Variants in LMBR1 observed in about 807,000 individuals in gnomAD.
The protein encoded by LMBR1 is limb region 1 protein homolog.
Under a neutral mutation model 73.9 loss-of-function variants are expected in LMBR1, and 52 were observed. The ratio of observed to expected loss-of-function variants is 0.70; its 90% CI spans 0.56 to 0.89. The LOEUF is 0.89. Ranked by LOEUF, LMBR1 falls within the 40% of genes least tolerant of loss-of-function variation. The probability of loss-of-function intolerance (pLI) is 0.00; values close to 1 mark genes in which losing one functional copy is unlikely to be tolerated. For missense variants in LMBR1, 539 were observed against 579.8 expected (o/e 0.93, Z 0.72); for synonymous variants, 215 against 209.4 (o/e 1.03, Z -0.23).
chr7:156,773,523 T>C (rs1356069806), intron 5 of LMBR1, among the ~76,000 whole-genome samples: 30 of 151,838 alleles, frequency 2.0e-4, no homozygotes, highest in Admixed American at 2.0e-3. Flanking sequence ...CATAGATCAA[T>C]AGAGGGCCCA....
At chr7:156,761,428 G>A (rs1052581643) in intron 8 of LMBR1, among the ~76,000 whole-genome samples, 4 of 152,014 alleles carry the variant, frequency 2.6e-5, no homozygotes, top group African/African-American at 7.3e-5. Context: ...TCAATTAATC[G>A]AGACACAATA....
chr7:156,794,744 G>A (rs1188042443), intron 5 of LMBR1, among the ~76,000 whole-genome samples: 1 of 152,088 alleles, frequency 6.6e-6, no homozygotes, highest in East Asian at 1.9e-4. Context: ...TCAGGAAGAG[G>A]GAAGAACTTT....
rs772687892 is a variant in LMBR1, at chr7:156,678,612, G to C, written c.*5466C>G. The C allele has an allele frequency of 6.6e-6, 1 of 152,222 alleles. No homozygotes were observed. The highest frequency in any genetic ancestry group is 6.5e-5 in the Admixed American group (1 of 15,284). 9.4% of individuals were successfully genotyped at this position (152,222 alleles called of 1,614,324 possible). A position where few individuals can be genotyped will look rare whatever the true frequency, so the allele number is the denominator to read the frequency against. ...AAACTGGGACACTGACCAAGAAAGA[G>C]TGGGGCCTTTGGAAACATGAGTTCA... On this transcript the variant is annotated 3_prime_UTR_variant, in exon 17 of 17. Coordinates refer to ENST00000353442, the MANE Select transcript of LMBR1 (RefSeq NM_022458.4).
At chr7:156,841,070 T>G (rs1012377955) in intron 1 of LMBR1, among the ~76,000 whole-genome samples, 1 of 150,954 alleles carries the variant, frequency 6.6e-6, no homozygotes, top group Non-Finnish European at 1.5e-5. Context: ...GAGCAGCCAC[T>G]CGGACCTGTG....
chr7:156,734,307 T>C (rs750922383), intron 9 of LMBR1, 50 bp from the exon 10 acceptor site: 21 of 1,128,206 alleles, frequency 1.9e-5, no homozygotes, highest in Admixed American at 1.4e-4. Context: ...CCTAACACTA[T>C]AGAACAGGTA....
chr7:156,700,407 G>A lies in LMBR1; in HGVS notation c.1226-12216C>T, dbSNP rs36147797. Among the ~76,000 whole-genome samples the A allele has an allele frequency of 1.5e-4, 23 of 152,074 alleles. No homozygotes were observed. The South Asian group carries it at 4.2e-3, about 28-fold the overall frequency. On this transcript the variant is annotated intron_variant, in intron 15 of 16. Transcript: ENST00000353442. ...CGGACTGTTGTGGGGTGGGAGGAGG[G>A]GGGGAGGGATAGCATTAGGAGATAT... is the stretch of plus-strand genomic sequence containing the variant.
chr7:156,722,014 A>ACCAAG (rs35330346), intron 15 of LMBR1, among the ~76,000 whole-genome samples: 1 of 14,472 alleles, frequency 6.9e-5, no homozygotes, highest in East Asian at 0.013. Flanking sequence ...CAAAAACATC[A>ACCAAG]TCATTTCTTT....
chr7:156,866,588 A>G (rs1317619938), intron 1 of LMBR1, among the ~76,000 whole-genome samples: 1 of 150,342 alleles, frequency 6.7e-6, no homozygotes, highest in East Asian at 1.9e-4. Flanking sequence ...GGAATTTCTT[A>G]TGAGTTTTTT....
At chr7:156,838,330 C>T (rs986971584) in intron 1 of LMBR1, among the ~76,000 whole-genome samples, 2 of 152,084 alleles carry the variant, frequency 1.3e-5, no homozygotes, top group Non-Finnish European at 2.9e-5. Context: ...ATTCCTCCTA[C>T]CTAACTGAAA....
At chr7:156,891,212 AT>A (rs398048235) in intron 1 of LMBR1, among the ~76,000 whole-genome samples, 10,837 of 43,600 alleles carry the variant, frequency 0.25, 1,519 homozygotes, top group Non-Finnish European at 0.28. Flanking sequence ...AAAAAAAAAA[AT>A]ATATATATAT....
Position 156,736,123 on chromosome 7 carries a change from C to T in LMBR1, c.758-1866G>A, listed in dbSNP as rs538286529. On this transcript the variant is annotated intron_variant, in intron 9 of 16. Coordinates refer to ENST00000353442, the MANE Select transcript of LMBR1 (RefSeq NM_022458.4). ...AATAAAAGTCTAGGAAGCAGACGTC[C>T]TAATGGCATAGCTTAGAGTCACATG... Among the ~76,000 whole-genome samples the T allele has an allele frequency of 2.6e-5, 4 of 152,292 alleles. No individual in the cohort carries two copies. The South Asian group carries it at 8.3e-4, about 32-fold the overall frequency.
chr7:156,744,799 T>C (rs999966814), intron 9 of LMBR1, among the ~76,000 whole-genome samples: 1 of 152,194 alleles, frequency 6.6e-6, no homozygotes, highest in African/African-American at 2.4e-5. Flanking sequence ...AGTCCTAAAA[T>C]CAAAGTGTTA....
At chr7:156,804,113 T>G (rs921733982) in intron 4 of LMBR1, among the ~76,000 whole-genome samples, 5 of 152,072 alleles carry the variant, frequency 3.3e-5, no homozygotes, top group African/African-American at 1.2e-4. Flanking sequence ...CTGCACGTTG[T>G]GCACATGTAA....
intron 15 of LMBR1, among the ~76,000 whole-genome samples, chr7:156,692,082 CT>C (rs909078086): frequency 1.4e-4 from 21 of 148,856 alleles, no homozygotes; most frequent in South Asian, 4.3e-4. Flanking sequence ...AACGCTTTAC[CT>C]TTTTTTTTTG....
chr7:156,705,356 G>A (rs1190759606), intron 15 of LMBR1, among the ~76,000 whole-genome samples: 3 of 152,166 alleles, frequency 2.0e-5, no homozygotes, highest in East Asian at 1.9e-4. Flanking sequence ...CCAGGAGTTC[G>A]AGACCAGCCT....
At chr7:156,833,968 G>C (rs1463795659) in intron 2 of LMBR1, among the ~76,000 whole-genome samples, 176 bp from the exon 3 acceptor site, 3 of 152,152 alleles carry the variant, frequency 2.0e-5, no homozygotes, top group Non-Finnish European at 2.9e-5. Flanking sequence ...ATTAAATCAA[G>C]TAGTATGGTA....
At chr7:156,779,646 T>C (rs997810603) in intron 5 of LMBR1, 5 of 1,252,566 alleles carry the variant, frequency 4.0e-6, no homozygotes, top group African/African-American at 1.5e-5. Context: ...AAAATTACAA[T>C]GTACTTACAA....
chr7:156,760,813 C>G (rs1822841026), intron 8 of LMBR1, among the ~76,000 whole-genome samples: 1 of 152,158 alleles, frequency 6.6e-6, no homozygotes, highest in Admixed American at 6.5e-5. Flanking sequence ...AGTATAGCCC[C>G]TATAACACTT....
intron 2 of LMBR1, 85 bp downstream of exon 2, chr7:156,836,728 C>T: frequency 3.7e-6 from 3 of 814,306 alleles, no homozygotes; most frequent in Non-Finnish European, 5.7e-6. Flanking sequence ...CACTATGACA[C>T]TGAAGTGTAC....
Sources: gnomAD v4.1 joint callset for allele counts (sites outside exome capture counted in the v4.1 genomes callset) on GRCh38, gnomAD v4.1.1 for gene constraint, MANE v1.5 for transcripts, NCBI Gene and HGNC (gene_info 2026-07-23, HGNC 2026-07-21) for gene names.